LRBA: variants seen among roughly 807,000 people sequenced by gnomAD.
The protein encoded by LRBA is LPS responsive beige-like anchor protein, also known as lipopolysaccharide-responsive and beige-like anchor protein.
In LRBA, 176 loss-of-function variants were observed where a neutral mutation model predicts 330.0. That is an observed-to-expected ratio of 0.53 (90% confidence interval 0.47 to 0.60). The LOEUF is 0.60. Ranked by LOEUF, LRBA falls within the 20% of genes least tolerant of loss-of-function variation. LRBA has a pLI of 0.00. For synonymous variants in LRBA, 1,230 were observed against 1,193.0 expected (o/e 1.03, Z -0.64); for missense variants, 3,259 against 3,444.8 (o/e 0.95, Z 1.35).
chr4:150,729,900 A>C (rs1560740304), intron 36 of LRBA, among the ~76,000 whole-genome samples: 1 of 152,142 alleles, frequency 6.6e-6, no homozygotes, highest in Non-Finnish European at 1.5e-5. Context: ...GAGAAAAGAC[A>C]CTCTCTTCAA....
intron 2 of LRBA, 24 bp from the exon 3 acceptor site, chr4:150,929,089 C>T (rs1383114324): frequency 2.2e-6 from 3 of 1,376,158 alleles, no homozygotes; most frequent in South Asian, 1.2e-5. Flanking sequence ...AAAAAAAACA[C>T]ATTAAAAGCA....
At chr4:150,524,630 C>T (rs999049590) in intron 40 of LRBA, among the ~76,000 whole-genome samples, 5 of 152,100 alleles carry the variant, frequency 3.3e-5, no homozygotes, top group Admixed American at 6.6e-5. Flanking sequence ...AGTCTGTAGG[C>T]ATATTTTTCA....
intron 2 of LRBA, among the ~76,000 whole-genome samples, chr4:150,987,619 T>G (rs1741603706): frequency 6.6e-6 from 1 of 151,798 alleles, no homozygotes; most frequent in South Asian, 2.1e-4. Context: ...GACAGGAGAA[T>G]CGCTTGAACC....
At chr4:150,662,530 A>G (rs941552266) in intron 37 of LRBA, among the ~76,000 whole-genome samples, 1 of 152,262 alleles carries the variant, frequency 6.6e-6, no homozygotes, top group Non-Finnish European at 1.5e-5. Context: ...ACATTCCAAT[A>G]TGTAGACAAG....
At chr4:150,626,918 T>G (rs996505886) in intron 37 of LRBA, among the ~76,000 whole-genome samples, 4 of 152,152 alleles carry the variant, frequency 2.6e-5, no homozygotes, top group African/African-American at 9.6e-5. Flanking sequence ...ATTCTTTTTT[T>G]AAAACAGTAA....
At chr4:150,347,812 T>C (rs1736600539) in intron 48 of LRBA, among the ~76,000 whole-genome samples, 2 of 152,154 alleles carry the variant, frequency 1.3e-5, no homozygotes, top group South Asian at 4.1e-4. Flanking sequence ...ACATGGAGTA[T>C]TCCCACTTTG....
chr4:150,266,247 A>G (rs1027593182), intron 56 of LRBA, among the ~76,000 whole-genome samples: 21 of 152,218 alleles, frequency 1.4e-4, no homozygotes, highest in African/African-American at 5.1e-4. Flanking sequence ...AAGTGACAAG[A>G]GACACCACCT....
chr4:150,812,876 T>C (rs998523782), intron 31 of LRBA, among the ~76,000 whole-genome samples: 21 of 152,040 alleles, frequency 1.4e-4, no homozygotes, highest in Admixed American at 9.8e-4. Flanking sequence ...AAACAGCATA[T>C]TGGAAAAAGA....
chr4:150,601,867 G>GT (rs1428032310), intron 37 of LRBA, among the ~76,000 whole-genome samples: 2 of 151,674 alleles, frequency 1.3e-5, no homozygotes, highest in East Asian at 3.9e-4. Flanking sequence ...AATTTTTTGT[G>GT]TTTTTAGTAG....
chr4:150,708,123 T>A (rs1785817161), intron 36 of LRBA, among the ~76,000 whole-genome samples: 1 of 150,904 alleles, frequency 6.6e-6, no homozygotes, highest in Non-Finnish European at 1.5e-5. Context: ...AACAGGCGCA[T>A]CATCTAAGGA....
intron 26 of LRBA, among the ~76,000 whole-genome samples, chr4:150,845,657 C>T (rs1015975661): frequency 6.6e-5 from 10 of 152,030 alleles, no homozygotes; most frequent in Non-Finnish European, 1.5e-4. Flanking sequence ...TATCACATGG[C>T]TAGCAGGCAT....
intron 40 of LRBA, among the ~76,000 whole-genome samples, chr4:150,558,021 C>T (rs1170178980): frequency 6.6e-6 from 1 of 152,154 alleles, no homozygotes; most frequent in Non-Finnish European, 1.5e-5. Context: ...TCTCAGCACC[C>T]TGAGTAGCTG....
chr4:150,952,049 C>T (rs1236513264), intron 2 of LRBA, among the ~76,000 whole-genome samples: 3 of 152,172 alleles, frequency 2.0e-5, no homozygotes, highest in African/African-American at 4.8e-5. Flanking sequence ...TTGCAAGGTC[C>T]TTAGCAGCCT....
At chr4:150,844,323 C>A (rs1749537211) in intron 27 of LRBA, 116 bp from the exon 28 acceptor site, 1 of 567,452 alleles carries the variant, frequency 1.8e-6, no homozygotes, top group Non-Finnish European at 2.9e-6. Flanking sequence ...TATAGCATTC[C>A]TTTCCCCACT....
chr4:150,278,028 T>G (rs1245936848), intron 55 of LRBA, 24 bp from the exon 56 acceptor site: 6 of 1,606,988 alleles, frequency 3.7e-6, no homozygotes, highest in Non-Finnish European at 5.1e-6. Context: ...CAACATTCAG[T>G]AGAAATGTGG....
intron 46 of LRBA, among the ~76,000 whole-genome samples, chr4:150,423,833 A>T (rs1283370875): frequency 6.6e-6 from 1 of 152,180 alleles, no homozygotes; most frequent in Non-Finnish European, 1.5e-5. Context: ...ACATAAAATG[A>T]GTCCCCCCCA....
At chr4:150,498,411 GAGA>G (rs1227051157) in intron 40 of LRBA, among the ~76,000 whole-genome samples, 2 of 152,080 alleles carry the variant, frequency 1.3e-5, no homozygotes, top group Non-Finnish European at 2.9e-5. Flanking sequence ...AGTAATGAAG[GAGA>G]AGAACAAAGA....
chr4:150,410,337 T>C (rs1033645158), intron 47 of LRBA, among the ~76,000 whole-genome samples: 11 of 152,196 alleles, frequency 7.2e-5, no homozygotes, highest in African/African-American at 2.4e-4. Context: ...ATTTTATTTC[T>C]TTATCAACCT....
Position 150,735,357 on chromosome 4 carries a change from G to A in LRBA, c.5655C>T (p.Ser1885=). 1.2e-6 allele frequency: 2 copies of A among 1,608,024 alleles called. No individual in the cohort carries two copies. The highest frequency in any genetic ancestry group is 1.7e-6 in the Non-Finnish European group (2 of 1,174,854). The change falls in exon 36 of 57, where the codon AGC becomes AGT. Residue 1885 remains serine, a synonymous_variant. Transcript: ENST00000651943. ...IELVNEGRLL[S]QTMKDHLVRV... is the part of the protein sequence containing the mutation. ...TTACTAGATGATCCTTCATTGTCTG[G>A]CTAAGCAACCTGTAAGAAATGAATG...
Sources: gnomAD v4.1 joint callset for allele counts (sites outside exome capture counted in the v4.1 genomes callset) on GRCh38, gnomAD v4.1.1 for gene constraint, MANE v1.5 for transcripts, NCBI Gene and HGNC (gene_info 2026-07-23, HGNC 2026-07-21) for gene names.